The following HFM1 variants were observed in gnomAD, a reference collection of about 807,000 sequenced individuals.
The protein encoded by HFM1 is helicase for meiosis 1.
A neutral mutation model predicts 192.1 loss-of-function variants in HFM1; 169 were observed. The ratio of observed to expected loss-of-function variants is 0.88; its 90% CI spans 0.78 to 1.00. The LOEUF is 1.00. Among genes scored for constraint, HFM1 ranks in the 50% least tolerant of loss-of-function variants. HFM1 has a pLI of 0.00. For synonymous variants in HFM1, 525 were observed against 537.8 expected (o/e 0.98, Z 0.33); for missense variants, 1,661 against 1,668.0 (o/e 1.00, Z 0.07).
chr1:91,349,598 T>C (rs770198264), intron 18 of HFM1, among the ~76,000 whole-genome samples: 3 of 152,156 alleles, frequency 2.0e-5, no homozygotes, highest in Non-Finnish European at 2.9e-5. Context: ...TGTGAGAAAC[T>C]GAGGCCTCTA....
chr1:91,274,436 G>A (rs941928365), intron 33 of HFM1, among the ~76,000 whole-genome samples: 4 of 151,938 alleles, frequency 2.6e-5, no homozygotes, highest in Non-Finnish European at 5.9e-5. Context: ...GTATACTCTT[G>A]TCACTTAGTT....
chr1:91,316,499 C>A, intron 25 of HFM1, 23 bp from the exon 26 acceptor site: 2 of 1,146,068 alleles, frequency 1.7e-6, no homozygotes, highest in South Asian at 1.8e-5. Flanking sequence ...AATCAAACAA[C>A]AACTTAAAAA....
intron 28 of HFM1, 76 bp from the exon 29 acceptor site, chr1:91,314,136 C>A: frequency 2.3e-6 from 2 of 875,524 alleles, no homozygotes; most frequent in South Asian, 1.9e-5. Flanking sequence ...GCTGATTGTT[C>A]TTAAGAAAGA....
At chr1:91,330,047 T>C (rs1488290980) in intron 20 of HFM1, among the ~76,000 whole-genome samples, 1 of 152,038 alleles carries the variant, frequency 6.6e-6, no homozygotes, top group African/African-American at 2.4e-5. Flanking sequence ...GTTGACTGTG[T>C]CTATGTCTGT....
At chr1:91,306,175 A>G (rs1405575788) in intron 30 of HFM1, among the ~76,000 whole-genome samples, 3 of 152,016 alleles carry the variant, frequency 2.0e-5, no homozygotes, top group African/African-American at 7.2e-5. Flanking sequence ...CTCTACTAAA[A>G]ATACAAAATT....
chr1:91,290,083 C>A (rs531757879), intron 30 of HFM1, among the ~76,000 whole-genome samples: 1 of 151,992 alleles, frequency 6.6e-6, no homozygotes, highest in Non-Finnish European at 1.5e-5. Context: ...CGGTACCAGC[C>A]GCTGCAAAAT....
chr1:91,362,147 C>T (rs1658598481), intron 13 of HFM1, among the ~76,000 whole-genome samples: 1 of 152,126 alleles, frequency 6.6e-6, no homozygotes, highest in Non-Finnish European at 1.5e-5. Context: ...AAAAGGATCC[C>T]TTCTCTCACC....
chr1:91,273,581 T>G, intron 34 of HFM1, 131 bp downstream of exon 34: 1 of 541,940 alleles, frequency 1.8e-6, no homozygotes, highest in Admixed American at 3.5e-5. Flanking sequence ...GATTCAGTAA[T>G]CTAAGAGAAA....
At chr1:91,342,773 C>T (rs1394396383) in intron 20 of HFM1, among the ~76,000 whole-genome samples, 5 of 152,228 alleles carry the variant, frequency 3.3e-5, no homozygotes, top group Admixed American at 6.5e-5. Flanking sequence ...GAAGTCTAAC[C>T]ACCAGATTAT....
At chr1:91,264,361 A>ATTTTTTTTTGTTTTTTTTT (rs1665486077) in intron 36 of HFM1, among the ~76,000 whole-genome samples, 1 of 57,058 alleles carries the variant, frequency 1.8e-5, no homozygotes, top group African/African-American at 7.9e-5. Flanking sequence ...CAAATTTAGT[A>ATTTTTTTTTGTTTTTTTTT]TTTTTTTTTT....
At chr1:91,314,925 G>A (rs1397179910) in intron 28 of HFM1, among the ~76,000 whole-genome samples, 1 of 152,162 alleles carries the variant, frequency 6.6e-6, no homozygotes, top group Non-Finnish European at 1.5e-5. Context: ...AGTCCCTTCA[G>A]AAACCTTGCA....
chr1:91,391,012 G>C (rs905888698), intron 4 of HFM1, among the ~76,000 whole-genome samples: 1 of 152,140 alleles, frequency 6.6e-6, no homozygotes, highest in Admixed American at 6.5e-5. Context: ...TTGCTACAAA[G>C]AGAATAAAAT....
rs773471071 is a variant in HFM1, at chr1:91,319,164, A to T, written c.2726T>A (p.Leu909Gln). 1 of 1,609,894 alleles carries T rather than the reference A, an allele frequency of 6.2e-7. No individual in the cohort carries two copies. The highest frequency in any genetic ancestry group is 1.3e-5 in the African/African-American group (1 of 74,678). ...TTTAGCTAAAATCAAACTATTCAAT[A>T]GTACAGCAAACTTCTTTTCTTGAGC... Reference protein sequence around the residue: ...VAAQEKKFAVLLNSLILAKCF... With the variant: ...VAAQEKKFAVQLNSLILAKCF... The change falls in exon 25 of 39, where the codon CTA (leucine) becomes CAA (glutamine). Residue 909 changes from leucine (L) to glutamine (Q), a missense_variant. By Grantham distance (113) the Leu-to-Gln change is moderately radical (BLOSUM62 -2). Transcript: ENST00000370425.
rs1215652059 is a variant in HFM1, at chr1:91,379,168, T to A, written c.1053A>T (p.Lys351Asn). 1.9e-6 allele frequency: 3 copies of A among 1,610,308 alleles called. No individual in the cohort carries two copies. In the Admixed American group the frequency reaches 5.0e-5, roughly 27 times the overall value. Residue 351 changes from lysine (K) to asparagine (N), a missense_variant, in exon 9 of 39, where the codon AAA (lysine) becomes AAT (asparagine). Lys to Asn is a moderately conservative substitution (Grantham distance 94). Transcript: ENST00000370425. Reference sequence around the variant, plus strand: ...TCAATCCTATTGGTCCAAATTTTTCTTTCCAGTCATCAAAACGCTGACTGC... The same window carrying A: ...TCAATCCTATTGGTCCAAATTTTTCATTCCAGTCATCAAAACGCTGACTGC... Reference protein sequence around the residue: ...ALCSQRFDDWKEKFGPIGLNC... With the variant: ...ALCSQRFDDWNEKFGPIGLNC...
In HFM1 at chr1:91,375,587, G is replaced by A. The variant is rs775555716; in HGVS notation, c.1536C>T (p.Thr512=). The stretch of plus-strand genomic sequence containing the variant: ...TAACACTGGCAATTTTGTAGTTGAG[G>A]GTTAAATCAAACTTAAACTCAGTTT... ...SNQTEFKFDL[T]LNYKIASVIQ... Residue 512 remains threonine (T), a synonymous_variant, in exon 12 of 39, where the codon ACC becomes ACT. Transcript: ENST00000370425. 9 of 1,613,320 alleles carry A rather than the reference G, an allele frequency of 5.6e-6. No individual in the cohort carries two copies. The South Asian group carries it at 9.9e-5, about 18-fold the overall frequency.
At chr1:91,346,629 C>G (rs1391411131) in intron 19 of HFM1, among the ~76,000 whole-genome samples, 1 of 152,048 alleles carries the variant, frequency 6.6e-6, no homozygotes, top group Non-Finnish European at 1.5e-5. Context: ...GAGACAGTTT[C>G]AACACAATGA....
In HFM1 at chr1:91,379,150, T is replaced by A; in HGVS notation, c.1071A>T (p.Ile357=). The change falls in exon 9 of 39, where the codon ATA becomes ATT. Residue 357 remains isoleucine, a synonymous_variant. Transcript: ENST00000370425. ...FDDWKEKFGP[I]GLNCKELTGD... ...CAGTAAGTTCTTTACAATTCAATCC[T>A]ATTGGTCCAAATTTTTCTTTCCAGT... The A allele has an allele frequency of 6.2e-7, 1 of 1,609,036 alleles. No individual in the cohort carries two copies. Among genetic ancestry groups the A allele is most frequent in the Non-Finnish European group, 8.5e-7 (1 of 1,176,910 alleles).
intron 13 of HFM1, among the ~76,000 whole-genome samples, chr1:91,370,048 T>C (rs146630801): frequency 0.095 from 14,483 of 152,100 alleles, 928 homozygotes; most frequent in African/African-American, 0.19. Flanking sequence ...CAGGAGAAGT[T>C]GAATCTCTGA....
intron 26 of HFM1, 54 bp downstream of exon 26, chr1:91,316,337 A>T (rs1651217522): frequency 8.7e-7 from 1 of 1,153,788 alleles, no homozygotes. Context: ...TTTAATAGAA[A>T]TAAAGGTAGG....
Sources: allele counts gnomAD v4.1 joint callset (sites outside exome capture counted in the v4.1 genomes callset), GRCh38; gene constraint gnomAD v4.1.1; transcripts MANE v1.5; gene names NCBI Gene and HGNC (gene_info 2026-07-23, HGNC 2026-07-21).